The following ECT2 variants were observed in gnomAD, a reference collection of about 807,000 sequenced individuals.
ECT2 encodes protein ECT2.
A neutral mutation model predicts 116.9 loss-of-function variants in ECT2; 61 were observed. The observed-to-expected ratio is 0.52, with a 90% confidence interval of 0.42 to 0.65. The LOEUF (loss-of-function observed/expected upper bound fraction) is 0.65. Among genes scored for constraint, ECT2 ranks in the 30% least tolerant of loss-of-function variants. The pLI is 0.00. For missense variants in ECT2, 937 were observed against 1,078.7 expected (o/e 0.87, Z 1.84); for synonymous variants, 358 against 346.4 (o/e 1.03, Z -0.37).
chr3:172,819,228 A>C (rs1730314048), intron 24 of ECT2, among the ~76,000 whole-genome samples: 1 of 152,042 alleles, frequency 6.6e-6, no homozygotes, highest in African/African-American at 2.4e-5. Context: ...TCATCAACCC[A>C]GCTTTTTAAA....
At chr3:172,753,982 A>G (rs1716446048) in intron 1 of ECT2, among the ~76,000 whole-genome samples, 1 of 152,126 alleles carries the variant, frequency 6.6e-6, no homozygotes, top group Admixed American at 6.6e-5. Context: ...AGTTGTGTGG[A>G]GCTGGTTTAT....
At chr3:172,816,553 T>C (rs1729751123) in intron 23 of ECT2, 138 bp from the exon 24 acceptor site, 1 of 590,056 alleles carries the variant, frequency 1.7e-6, no homozygotes, top group Non-Finnish European at 2.7e-6. Flanking sequence ...CTCACTGTTT[T>C]GTGCCAAAGA....
chr3:172,826,627 G>A, the ECT2 span, among the ~76,000 whole-genome samples: 1 of 152,226 alleles, frequency 6.6e-6, no homozygotes, highest in African/African-American at 2.4e-5. Flanking sequence ...CAACAGCACT[G>A]CATGCTACAG....
intron 17 of ECT2, 133 bp downstream of exon 17, chr3:172,784,936 G>A (rs1177343963): frequency 3.8e-6 from 2 of 519,886 alleles, no homozygotes; most frequent in Non-Finnish European, 6.5e-6. Context: ...TTTGCTTTAT[G>A]GATTATCTTA....
At chr3:172,774,279 C>A (rs1344981761) in intron 14 of ECT2, among the ~76,000 whole-genome samples, 1 of 152,146 alleles carries the variant, frequency 6.6e-6, no homozygotes, top group Non-Finnish European at 1.5e-5. Flanking sequence ...CTCACAGTAA[C>A]CTCTGCCACC....
Position 172,816,807 on chromosome 3 carries a change from G to A in ECT2, c.2625G>A (p.Met875Ile). The A allele has an allele frequency of 6.2e-7, 1 of 1,605,664 alleles. No individual in the cohort carries two copies. The highest frequency in any genetic ancestry group is 1.7e-4 in the Middle Eastern group (1 of 6,012). ...RSPSSNDKHV[M>I]SRLSSTSSLA... ...CTTCCAGCAATGATAAGCATGTAAT[G>A]AGTCGTCTTTCTAGCACATCATCAT... is the stretch of plus-strand genomic sequence containing the variant. Residue 875 changes from methionine to isoleucine, a missense_variant, in exon 24 of 25, where the codon ATG becomes ATA. Physicochemically the swap from Met to Ile is conservative, Grantham distance 10. Coordinates refer to ENST00000392692, the MANE Select transcript of ECT2 (RefSeq NM_001258315.2).
At chr3:172,770,012 A>G (rs1184978978) in intron 13 of ECT2, among the ~76,000 whole-genome samples, 1 of 152,178 alleles carries the variant, frequency 6.6e-6, no homozygotes, top group Non-Finnish European at 1.5e-5. Context: ...TGCTTGTACC[A>G]TTGATAAAAT....
At chr3:172,771,164 T>C (rs1720560459) in intron 13 of ECT2, 2 of 152,282 alleles carry the variant, frequency 1.3e-5, no homozygotes, top group Non-Finnish European at 2.9e-5. Context: ...CACTGATTAT[T>C]TGCAAAAGTT....
chr3:172,802,116 T>C (rs1402195687), intron 18 of ECT2, among the ~76,000 whole-genome samples: 1 of 151,940 alleles, frequency 6.6e-6, no homozygotes, highest in African/African-American at 2.4e-5. Context: ...TTTTTGTTTT[T>C]GTTTTTGTTT....
At chr3:172,795,697 T>C (rs1725516381) in intron 18 of ECT2, among the ~76,000 whole-genome samples, 1 of 152,206 alleles carries the variant, frequency 6.6e-6, no homozygotes. Flanking sequence ...TTTATGTAAC[T>C]GTAAATGGGA....
intron 1 of ECT2, among the ~76,000 whole-genome samples, chr3:172,754,297 T>A (rs1306750589): frequency 6.6e-6 from 1 of 152,202 alleles, no homozygotes; most frequent in African/African-American, 2.4e-5. Flanking sequence ...TGATACATTG[T>A]TATTTTTATT....
chr3:172,780,992 T>G (rs1010799181), intron 14 of ECT2, among the ~76,000 whole-genome samples: 37 of 152,200 alleles, frequency 2.4e-4, no homozygotes, highest in African/African-American at 8.7e-4. Flanking sequence ...TATTCATTTT[T>G]TCTGTGATTT....
intron 22 of ECT2, 136 bp from the exon 23 acceptor site, chr3:172,815,468 G>A: frequency 1.8e-6 from 1 of 568,648 alleles, no homozygotes; most frequent in Non-Finnish European, 3.1e-6. Context: ...TTTCAGGGTA[G>A]AAGTTATATC....
intron 18 of ECT2, among the ~76,000 whole-genome samples, chr3:172,802,412 C>A (rs907923382): frequency 6.6e-6 from 1 of 152,100 alleles, no homozygotes; most frequent in Admixed American, 6.6e-5. Flanking sequence ...CGCACCTGGC[C>A]GGAAGTTGCT....
intron 22 of ECT2, among the ~76,000 whole-genome samples, chr3:172,809,931 T>C (rs1245735180): frequency 1.3e-5 from 2 of 152,190 alleles, no homozygotes; most frequent in East Asian, 1.9e-4. Flanking sequence ...TTTCTCCCCA[T>C]GGATGTCATG....
intron 24 of ECT2, chr3:172,818,346 T>C: frequency 5.4e-6 from 1 of 183,942 alleles, no homozygotes; most frequent in Non-Finnish European, 1.1e-5. Context: ...AATTAGATTA[T>C]AGCTTTCTCG....
At chr3:172,819,626 G>A (rs1195085280) in intron 24 of ECT2, among the ~76,000 whole-genome samples, 2 of 151,920 alleles carry the variant, frequency 1.3e-5, no homozygotes, top group Non-Finnish European at 1.5e-5. Context: ...GATTACAGTG[G>A]AACAAAATTA....
intron 22 of ECT2, among the ~76,000 whole-genome samples, chr3:172,810,929 G>C (rs1728662866): frequency 6.6e-6 from 1 of 152,028 alleles, no homozygotes; most frequent in Non-Finnish European, 1.5e-5. Context: ...TGTGAATTTG[G>C]AGTTGATTGA....
chr3:172,795,002 G>A (rs868690384), intron 18 of ECT2, among the ~76,000 whole-genome samples: 4 of 152,102 alleles, frequency 2.6e-5, no homozygotes, highest in South Asian at 4.1e-4. Flanking sequence ...ATGAGCCACC[G>A]CACTTGGCCT....
Sources: gnomAD v4.1 joint callset for allele counts (sites outside exome capture counted in the v4.1 genomes callset) on GRCh38, gnomAD v4.1.1 for gene constraint, MANE v1.5 for transcripts, NCBI Gene and HGNC (gene_info 2026-07-23, HGNC 2026-07-21) for gene names.